H1-4: variants seen among roughly 807,000 people sequenced by gnomAD.
H1-4 encodes H1.4 linker histone, cluster member, also known as histone H1.4.
In H1-4, 9 loss-of-function variants were observed where a neutral mutation model predicts 7.2. The ratio of observed to expected loss-of-function variants is 1.25; its 90% CI spans 0.75 to 2.18. The LOEUF (loss-of-function observed/expected upper bound fraction) is 2.18. Among genes scored for constraint, H1-4 ranks in the 30% most tolerant of loss-of-function variants. The probability of loss-of-function intolerance (pLI) is 0.00; values close to 1 mark genes in which losing one functional copy is unlikely to be tolerated. For synonymous variants in H1-4, 318 were observed against 126.6 expected, an observed-to-expected ratio of 2.51 and a Z score of -10.15; for missense variants, 646 against 287.9, an observed-to-expected ratio of 2.24 and a Z score of -9.00.
chr6:26,156,777 G>A lies in H1-4; in HGVS notation c.387G>A (p.Lys129=), dbSNP rs533295464. 26 of 1,612,886 alleles carry A rather than the reference G, an allele frequency of 1.6e-5. No homozygotes were observed. The South Asian group carries it at 1.8e-4, about 11-fold the overall frequency. ...KAKKAGAAKA[K]KPAGAAKKPK... ...AAAAGGCAGGCGCGGCCAAGGCCAA[G>A]AAGCCAGCAGGAGCGGCGAAGAAGC... Residue 129 remains lysine, a synonymous_variant, in exon 1 of 1, where the codon AAG becomes AAA. Coordinates refer to ENST00000304218, the MANE Select transcript of H1-4 (RefSeq NM_005321.3).
In H1-4 at chr6:26,156,419, C is replaced by T. The variant is rs748081668; in HGVS notation, c.29C>T (p.Ala10Val). 9.0e-5 allele frequency: 143 copies of T among 1,592,046 alleles called. No individual in the cohort carries two copies. Among genetic ancestry groups the T allele is most frequent in the Non-Finnish European group, 1.2e-4 (135 of 1,168,912 alleles). ...TCCGAGACTGCGCCTGCCGCGCCCG[C>T]TGCTCCGGCCCCTGCCGAGAAGACT... MSETAPAAP[A>V]APAPAEKTPV... Residue 10 changes from alanine (A) to valine (V), a missense_variant, in exon 1 of 1, where the codon GCT (alanine) becomes GTT (valine). Transcript: ENST00000304218.
At position 26,156,336 on chromosome 6, in the gene H1-4, C is replaced by T. The variant is rs200813791; in HGVS notation, c.-55C>T. ...GGGCGCAGCGCCGCGGCTCGAGTCC[C>T]GGCCAGTGCCTCTGCTTCCGGCTCG... On this transcript the variant is annotated 5_prime_UTR_variant, in exon 1 of 1. Coordinates refer to ENST00000304218, the MANE Select transcript of H1-4 (RefSeq NM_005321.3). 1.6e-5 allele frequency: 23 copies of T among 1,472,456 alleles called. No individual in the cohort carries two copies. In the Admixed American group the frequency reaches 3.6e-4, roughly 23 times the overall value. 91.2% of individuals were successfully genotyped at this position (1,472,456 alleles called of 1,614,324 possible).
chr6:26,156,541 T>C lies in H1-4; in HGVS notation c.151T>C (p.Ser51Pro). The C allele has an allele frequency of 6.2e-7, 1 of 1,614,026 alleles. No homozygotes were observed. Among genetic ancestry groups the C allele is most frequent in the Non-Finnish European group, 8.5e-7 (1 of 1,179,990 alleles). ...GCTCATTACTAAAGCTGTTGCCGCC[T>C]CCAAGGAGCGCAGCGGCGTATCTTT... ...SELITKAVAA[S>P]KERSGVSLAA... is the part of the protein sequence containing the mutation. The change falls in exon 1 of 1, where the codon TCC becomes CCC. Residue 51 changes from serine to proline, a missense_variant. Ser to Pro is a moderately conservative substitution (Grantham distance 74). Coordinates refer to ENST00000304218, the MANE Select transcript of H1-4 (RefSeq NM_005321.3).
Position 26,156,474 on chromosome 6 carries a change from A to C in H1-4, c.84A>C (p.Ala28=), listed in dbSNP as rs779505837. ...TPVKKKARKS[A]GAAKRKASGP... ...TGAAGAAGAAGGCCCGCAAGTCTGC[A>C]GGTGCGGCCAAGCGCAAAGCGTCTG... is the stretch of plus-strand genomic sequence containing the variant. Residue 28 remains alanine, a synonymous_variant, in exon 1 of 1, where the codon GCA becomes GCC. Transcript: ENST00000304218. 1.2e-6 allele frequency: 2 copies of C among 1,613,316 alleles called. No homozygotes were observed. The highest frequency in any genetic ancestry group is 2.2e-5 in the East Asian group (1 of 44,864).
In H1-4 at chr6:26,157,058, C is replaced by T. The variant is rs774755449; in HGVS notation, c.*8C>T. 1.7e-5 allele frequency: 27 copies of T among 1,578,252 alleles called. No homozygotes were observed. The highest frequency in any genetic ancestry group is 2.4e-5 in the South Asian group (2 of 84,900). On this transcript the variant is annotated 3_prime_UTR_variant, in exon 1 of 1. Transcript: ENST00000304218. ...GCAGCCAAGAAAAAGTAGAAAGTTCCTTTGGCCAACTGCTTAGAAGCCCAA... is the reference window on the plus strand; with the variant it reads ...GCAGCCAAGAAAAAGTAGAAAGTTCTTTTGGCCAACTGCTTAGAAGCCCAA...
In H1-4 at chr6:26,156,785, CAGG is replaced by C; in HGVS notation, c.398_400del (p.Gly133del). 1 of 1,612,254 alleles carries C rather than the reference CAGG, an allele frequency of 6.2e-7. No individual in the cohort carries two copies. The highest frequency in any genetic ancestry group is 1.1e-5 in the South Asian group (1 of 90,964). ...GGCGCGGCCAAGGCCAAGAAGCCAG[CAGG>C]AGCGGCGAAGAAGCCCAAGAAGGCG... On this transcript the variant is annotated inframe_deletion, in exon 1 of 1. Transcript: ENST00000304218.
At position 26,156,423 on chromosome 6, in the gene H1-4, T is replaced by C. The variant is rs376720047; in HGVS notation, c.33T>C (p.Ala11=). MSETAPAAPA[A]PAPAEKTPVK... ...AGACTGCGCCTGCCGCGCCCGCTGCTCCGGCCCCTGCCGAGAAGACTCCCG... is the reference window on the plus strand; with the variant it reads ...AGACTGCGCCTGCCGCGCCCGCTGCCCCGGCCCCTGCCGAGAAGACTCCCG... Residue 11 remains alanine, a synonymous_variant, in exon 1 of 1, where the codon GCT becomes GCC. Coordinates refer to ENST00000304218, the MANE Select transcript of H1-4 (RefSeq NM_005321.3). 5 of 1,600,420 alleles carry C rather than the reference T, an allele frequency of 3.1e-6. No individual in the cohort carries two copies. Among genetic ancestry groups the C allele is most frequent in the South Asian group, 2.2e-5 (2 of 90,530 alleles).
Position 26,156,861 on chromosome 6 carries a change from G to GGC in H1-4, c.473_474dup (p.Lys159ArgfsTer71). 1 of 1,607,860 alleles carries GGC rather than the reference G, an allele frequency of 6.2e-7. No homozygotes were observed. Among genetic ancestry groups the GGC allele is most frequent in the Non-Finnish European group, 8.5e-7 (1 of 1,177,788 alleles). Reference sequence around the variant, plus strand: ...AGAGCGCCAAGAAGACCCCAAAGAAGGCGAAGAAGCCGGCTGCAGCTGCTG... The same window carrying GGC: ...AGAGCGCCAAGAAGACCCCAAAGAAGGCGCGAAGAAGCCGGCTGCAGCTGCTG... On this transcript the variant is annotated frameshift_variant, in exon 1 of 1. Coordinates refer to ENST00000304218, the MANE Select transcript of H1-4 (RefSeq NM_005321.3). LOFTEE classifies it high-confidence loss of function.
At position 26,156,572 on chromosome 6, in the gene H1-4, C is replaced by T. The variant is rs768767088; in HGVS notation, c.182C>T (p.Ala61Val). 1.9e-6 allele frequency: 3 copies of T among 1,614,188 alleles called. No individual in the cohort carries two copies. The highest frequency in any genetic ancestry group is 2.2e-5 in the East Asian group (1 of 44,870). Residue 61 changes from alanine to valine, a missense_variant, in exon 1 of 1, where the codon GCT (alanine) becomes GTT (valine). Coordinates refer to ENST00000304218, the MANE Select transcript of H1-4 (RefSeq NM_005321.3). ...SKERSGVSLA[A>V]LKKALAAAGY... is the part of the protein sequence containing the mutation. ...GAGCGCAGCGGCGTATCTTTGGCCG[C>T]TCTCAAGAAAGCGCTGGCAGCCGCT...
Position 26,156,670 on chromosome 6 carries a change from G to A in H1-4, c.280G>A (p.Val94Met), listed in dbSNP as rs1405237505. Residue 94 changes from valine to methionine, a missense_variant, in exon 1 of 1, where the codon GTG becomes ATG. Physicochemically the swap from Val to Met is conservative, Grantham distance 21. Coordinates refer to ENST00000304218, the MANE Select transcript of H1-4 (RefSeq NM_005321.3). Reference sequence around the variant, plus strand: ...GAGCCTGGTGAGCAAGGGCACCCTGGTGCAGACCAAGGGCACCGGCGCGTC... The same window carrying A: ...GAGCCTGGTGAGCAAGGGCACCCTGATGCAGACCAAGGGCACCGGCGCGTC... ...LKSLVSKGTL[V>M]QTKGTGASGS... is the part of the protein sequence containing the mutation. 4 of 1,614,212 alleles carry A rather than the reference G, an allele frequency of 2.5e-6. No individual in the cohort carries two copies. The highest frequency in any genetic ancestry group is 1.1e-5 in the South Asian group (1 of 91,088).
At position 26,157,042 on chromosome 6, in the gene H1-4, A is replaced by G. The variant is rs1469190565; in HGVS notation, c.652A>G (p.Lys218Glu). 1 of 1,580,930 alleles carries G rather than the reference A, an allele frequency of 6.3e-7. No individual in the cohort carries two copies. Among genetic ancestry groups the G allele is most frequent in the Non-Finnish European group, 8.5e-7 (1 of 1,171,784 alleles). The change falls in exon 1 of 1, where the codon AAA becomes GAA. Residue 218 changes from lysine to glutamate, a missense_variant. Transcript: ENST00000304218. ...CAAGCCAAAGAAGGCGGCAGCCAAG[A>G]AAAAGTAGAAAGTTCCTTTGGCCAA... ...AAKPKKAAAK[K>E]K
In H1-4 at chr6:26,156,741, G is replaced by C. The variant is rs376044340; in HGVS notation, c.351G>C (p.Lys117Asn). The C allele has an allele frequency of 7.4e-6, 12 of 1,614,090 alleles. No individual in the cohort carries two copies. Among genetic ancestry groups the C allele is most frequent in the Non-Finnish European group, 9.3e-6 (11 of 1,180,006 alleles). Residue 117 changes from lysine (K) to asparagine (N), a missense_variant, in exon 1 of 1, where the codon AAG becomes AAC. Lys to Asn is a moderately conservative substitution (Grantham distance 94, BLOSUM62 0). Transcript: ENST00000304218. ...LNKKAASGEA[K>N]PKAKKAGAAK... is the part of the protein sequence containing the mutation. ...AGAAGGCGGCCTCTGGGGAAGCCAAGCCTAAGGCTAAAAAGGCAGGCGCGG... is the reference window on the plus strand; with the variant it reads ...AGAAGGCGGCCTCTGGGGAAGCCAACCCTAAGGCTAAAAAGGCAGGCGCGG...
rs533295464 is a variant in H1-4 at position 26,156,777 on chromosome 6, G to C, written c.387G>C (p.Lys129Asn). 1.7e-5 allele frequency: 27 copies of C among 1,612,768 alleles called. No individual in the cohort carries two copies. The Admixed American group carries it at 4.5e-4, about 27-fold the overall frequency. ...KAKKAGAAKAKKPAGAAKKPK... is the reference protein window; with the variant it reads ...KAKKAGAAKANKPAGAAKKPK... ...AAAAGGCAGGCGCGGCCAAGGCCAA[G>C]AAGCCAGCAGGAGCGGCGAAGAAGC... Residue 129 changes from lysine to asparagine, a missense_variant, in exon 1 of 1, where the codon AAG (lysine) becomes AAC (asparagine). Physicochemically the swap from Lys to Asn is moderately conservative, Grantham distance 94. Transcript: ENST00000304218.
Position 26,156,418 on chromosome 6 carries a change from G to C in H1-4, c.28G>C (p.Ala10Pro), listed in dbSNP as rs781197204. 1 of 1,591,160 alleles carries C rather than the reference G, an allele frequency of 6.3e-7. No individual in the cohort carries two copies. Among genetic ancestry groups the C allele is most frequent in the Non-Finnish European group, 8.6e-7 (1 of 1,168,384 alleles). MSETAPAAP[A>P]APAPAEKTPV... Reference sequence around the variant, plus strand: ...GTCCGAGACTGCGCCTGCCGCGCCCGCTGCTCCGGCCCCTGCCGAGAAGAC... The same window carrying C: ...GTCCGAGACTGCGCCTGCCGCGCCCCCTGCTCCGGCCCCTGCCGAGAAGAC... The change falls in exon 1 of 1, where the codon GCT (alanine) becomes CCT (proline). Residue 10 changes from alanine (A) to proline (P), a missense_variant. Coordinates refer to ENST00000304218, the MANE Select transcript of H1-4 (RefSeq NM_005321.3).
chr6:26,157,077 A>G lies in H1-4; in HGVS notation c.*27A>G. On this transcript the variant is annotated 3_prime_UTR_variant, in exon 1 of 1. Transcript: ENST00000304218. ...AAGTTCCTTTGGCCAACTGCTTAGA[A>G]GCCCAACACAACCCAAAGGCTCTTT... The G allele has an allele frequency of 1.3e-6, 2 of 1,569,336 alleles. No individual in the cohort carries two copies. The highest frequency in any genetic ancestry group is 2.2e-5 in the East Asian group (1 of 44,708).
Position 26,156,825 on chromosome 6 carries a change from C to A in H1-4, c.435C>A (p.Ala145=), listed in dbSNP as rs111314701. Residue 145 remains alanine, a synonymous_variant, in exon 1 of 1, where the codon GCC becomes GCA. Transcript: ENST00000304218. ...AKKPKKATGA[A]TPKKSAKKTP... is the part of the protein sequence containing the mutation. Reference sequence around the variant, plus strand: ...AGCCCAAGAAGGCGACGGGGGCGGCCACCCCCAAGAAGAGCGCCAAGAAGA... The same window carrying A: ...AGCCCAAGAAGGCGACGGGGGCGGCAACCCCCAAGAAGAGCGCCAAGAAGA... 6.2e-7 allele frequency: 1 copy of A among 1,607,070 alleles called. No homozygotes were observed. The highest frequency in any genetic ancestry group is 2.2e-5 in the East Asian group (1 of 44,558).
In H1-4 at chr6:26,157,045, A is replaced by C; in HGVS notation, c.655A>C (p.Lys219Gln). The change falls in exon 1 of 1, where the codon AAG becomes CAG. Residue 219 changes from lysine to glutamine, a missense_variant. Transcript: ENST00000304218. ...AKPKKAAAKK[K>Q] ...GCCAAAGAAGGCGGCAGCCAAGAAA[A>C]AGTAGAAAGTTCCTTTGGCCAACTG... The C allele has an allele frequency of 6.3e-7, 1 of 1,580,418 alleles. No homozygotes were observed. The highest frequency in any genetic ancestry group is 8.5e-7 in the Non-Finnish European group (1 of 1,171,612).
At position 26,156,967 on chromosome 6, in the gene H1-4, G is replaced by A. The variant is rs144346210; in HGVS notation, c.577G>A (p.Ala193Thr). 68 of 1,612,450 alleles carry A rather than the reference G, an allele frequency of 4.2e-5. 2 individuals are homozygous for A. The Admixed American group carries it at 5.3e-4, about 13-fold the overall frequency. The change falls in exon 1 of 1, where the codon GCA (alanine) becomes ACA (threonine). Residue 193 changes from alanine to threonine, a missense_variant. By Grantham distance (58) the Ala-to-Thr change is moderately conservative. Coordinates refer to ENST00000304218, the MANE Select transcript of H1-4 (RefSeq NM_005321.3). ...GCCCAAGAGCCCAGCGAAGGCCAAA[G>A]CAGTTAAACCCAAGGCGGCTAAACC... ...KAPKSPAKAK[A>T]VKPKAAKPKT... is the part of the protein sequence containing the mutation.
Position 26,156,909 on chromosome 6 carries a change from G to T in H1-4, c.519G>T (p.Pro173=), listed in dbSNP as rs772722395. The change falls in exon 1 of 1, where the codon CCG becomes CCT. Residue 173 remains proline, a synonymous_variant. Coordinates refer to ENST00000304218, the MANE Select transcript of H1-4 (RefSeq NM_005321.3). ...AAAGAKKAKS[P]KKAKAAKPKK... ...CTGGAGCCAAAAAAGCGAAAAGCCC[G>T]AAAAAGGCGAAAGCAGCCAAGCCAA... 11 of 1,607,026 alleles carry T rather than the reference G, an allele frequency of 6.8e-6. No individual in the cohort carries two copies. The highest frequency in any genetic ancestry group is 9.3e-6 in the Non-Finnish European group (11 of 1,177,710).
Sources: gnomAD v4.1 joint callset for allele counts on GRCh38, gnomAD v4.1.1 for gene constraint, MANE v1.5 for transcripts, NCBI Gene and HGNC (gene_info 2026-07-23, HGNC 2026-07-21) for gene names.